OR2L13: variants seen among roughly 807,000 people sequenced by gnomAD.
OR2L13 encodes olfactory receptor 2L13.
OR2L13 carries 14 observed loss-of-function variants against 15.3 expected under a neutral mutation model. The ratio of observed to expected loss-of-function variants is 0.91; its 90% confidence interval spans 0.60 to 1.43. The LOEUF (loss-of-function observed/expected upper bound fraction) is 1.43. Ranked by LOEUF, OR2L13 falls within the 40% of genes most tolerant of loss-of-function variation. The pLI is 0.00. For synonymous variants in OR2L13, 152 were observed against 142.9 expected (o/e 1.06, Z -0.45); for missense variants, 367 against 387.9 (o/e 0.95, Z 0.45).
the OR2L13 span, chr1:248,024,317 A>G: frequency 6.6e-6 from 1 of 152,216 alleles, no homozygotes; most frequent in Non-Finnish European, 1.5e-5. Context: ...TTAAAATGCT[A>G]TTATAGCAAT....
At chr1:248,031,187 C>T in the OR2L13 span, among the ~76,000 whole-genome samples, 1 of 152,150 alleles carries the variant, frequency 6.6e-6, no homozygotes, top group African/African-American at 2.4e-5. Flanking sequence ...CTTTGCATTA[C>T]TGAAACAGAT....
At chr1:248,036,564 ACTG>A in the OR2L13 span, among the ~76,000 whole-genome samples, 2 of 152,048 alleles carry the variant, frequency 1.3e-5, no homozygotes, top group African/African-American at 2.4e-5. Flanking sequence ...GAGTTTGCAC[ACTG>A]TGTAGATCTT....
the OR2L13 span, among the ~76,000 whole-genome samples, chr1:247,978,356 C>T: frequency 1.3e-5 from 2 of 152,178 alleles, no homozygotes; most frequent in Non-Finnish European, 2.9e-5. Flanking sequence ...TGTAACAATC[C>T]TCCTCCCTTG....
At chr1:248,092,760 T>G (rs1463469274), upstream of OR2L13, among the ~76,000 whole-genome samples, 1 of 152,156 alleles carries the variant, frequency 6.6e-6, no homozygotes, top group African/African-American at 2.4e-5. Context: ...CATCCTGGAT[T>G]TTTTTTAATT....
chr1:247,990,015 TTACAGTATA>T, the OR2L13 span, among the ~76,000 whole-genome samples: 1 of 151,908 alleles, frequency 6.6e-6, no homozygotes, highest in African/African-American at 2.4e-5. Flanking sequence ...ACAACTTTTA[TTACAGTATA>T]TAATTATAAT....
intron 1 of OR2L13, among the ~76,000 whole-genome samples, chr1:248,098,333 AATGAATGTATC>A (rs1397955254): frequency 3.3e-5 from 5 of 152,238 alleles, no homozygotes; most frequent in Non-Finnish European, 5.9e-5. Flanking sequence ...TATTTGAGGA[AATGAATGTATC>A]ATAATGATGG....
chr1:247,952,294 G>A, the OR2L13 span, among the ~76,000 whole-genome samples: 1 of 152,116 alleles, frequency 6.6e-6, no homozygotes, highest in Admixed American at 6.6e-5. Flanking sequence ...CTAGGATAGT[G>A]GTGGGAATGT....
chr1:248,012,009 T>A, the OR2L13 span, among the ~76,000 whole-genome samples: 1 of 152,196 alleles, frequency 6.6e-6, no homozygotes, highest in East Asian at 1.9e-4. Context: ...TAATGGATAA[T>A]TCAAATGGAC....
chr1:248,025,213 A>G, the OR2L13 span, among the ~76,000 whole-genome samples: 2 of 147,994 alleles, frequency 1.4e-5, no homozygotes, highest in Admixed American at 1.3e-4. Flanking sequence ...ACAAAGGGCT[A>G]ATATCCAGAA....
chr1:248,023,393 G>T, the OR2L13 span: 1 of 152,112 alleles, frequency 6.6e-6, no homozygotes, highest in Non-Finnish European at 1.5e-5. Flanking sequence ...AAGCCAATTT[G>T]CCTTTAGTAA....
chr1:248,071,030 C>A, the OR2L13 span, among the ~76,000 whole-genome samples: 144 of 152,120 alleles, frequency 9.5e-4, no homozygotes, highest in African/African-American at 3.4e-3. Flanking sequence ...GATTCACAGC[C>A]GAATTCTACC....
the OR2L13 span, among the ~76,000 whole-genome samples, chr1:247,985,545 C>T: frequency 0.039 from 5,902 of 152,130 alleles, 356 homozygotes; most frequent in African/African-American, 0.13. Context: ...GTCTTTGCTA[C>T]TGTGAATAGT....
chr1:247,964,864 GTATA>G, the OR2L13 span, among the ~76,000 whole-genome samples: 1 of 148,320 alleles, frequency 6.7e-6, no homozygotes, highest in Non-Finnish European at 1.5e-5. Context: ...ATATATTGAA[GTATA>G]TATAGAAATT....
chr1:248,022,864 A>G, the OR2L13 span: 55 of 1,608,948 alleles, frequency 3.4e-5, no homozygotes, highest in Non-Finnish European at 4.0e-5. Flanking sequence ...GTGATTCAGA[A>G]TATCTTCTCG....
chr1:247,943,230 C>T, the OR2L13 span, among the ~76,000 whole-genome samples: 1 of 151,982 alleles, frequency 6.6e-6, no homozygotes, highest in East Asian at 1.9e-4. Context: ...ACATTGGGTA[C>T]ACATGGACAT....
the OR2L13 span, among the ~76,000 whole-genome samples, chr1:248,036,026 C>G: frequency 6.6e-6 from 1 of 152,054 alleles, no homozygotes; most frequent in South Asian, 2.1e-4. Flanking sequence ...TTCTAGAAGA[C>G]AGAATTTTCA....
At chr1:248,001,156 GA>G in the OR2L13 span, among the ~76,000 whole-genome samples, 2 of 152,094 alleles carry the variant, frequency 1.3e-5, no homozygotes, top group Admixed American at 6.6e-5. Flanking sequence ...GAAGTTTACT[GA>G]AAATCTCTGA....
chr1:248,013,539 G>A, the OR2L13 span: 3 of 152,186 alleles, frequency 2.0e-5, no homozygotes, highest in Middle Eastern at 3.4e-3. Context: ...AGGTAAAGAA[G>A]GACTGGATCA....
chr1:247,945,287 G>T, the OR2L13 span, among the ~76,000 whole-genome samples: 1 of 152,104 alleles, frequency 6.6e-6, no homozygotes, highest in Non-Finnish European at 1.5e-5. Context: ...TCAGGAGCAG[G>T]TTGTTCAATT....
Sources: gnomAD v4.1 joint callset for allele counts (sites outside exome capture counted in the v4.1 genomes callset) on GRCh38, gnomAD v4.1.1 for gene constraint, MANE v1.5 for transcripts, NCBI Gene and HGNC (gene_info 2026-07-23, HGNC 2026-07-21) for gene names.